The following ADTRP variants were observed in gnomAD, a reference collection of about 807,000 sequenced individuals.
ADTRP encodes the protein androgen dependent TFPI regulating protein.
In ADTRP, 20 loss-of-function variants were observed where a neutral mutation model predicts 27.0. That is an observed-to-expected ratio of 0.74 (90% confidence interval 0.52 to 1.08). The LOEUF (loss-of-function observed/expected upper bound fraction) is 1.08, where lower values mean the gene tolerates loss of function less well. Among genes scored for constraint, ADTRP ranks in the 50% least tolerant of loss-of-function variants. The pLI is 0.00. For missense variants in ADTRP, 251 were observed against 275.0 expected (o/e 0.91, Z 0.62); for synonymous variants, 101 against 105.2 (o/e 0.96, Z 0.25).
In ADTRP at chr6:11,766,353, A is replaced by T; in HGVS notation, c.311T>A (p.Ile104Asn). 1 of 1,612,518 alleles carries T rather than the reference A, an allele frequency of 6.2e-7. No individual in the cohort carries two copies. The highest frequency in any genetic ancestry group is 8.5e-7 in the Non-Finnish European group (1 of 1,179,120). Residue 104 changes from isoleucine to asparagine, a missense_variant, in exon 3 of 6, where the codon ATC becomes AAC. Coordinates refer to ENST00000414691, the MANE Select transcript of ADTRP (RefSeq NM_032744.4). ...VSTFVFLAFW[I>N]LFLYNRDLIY... is the part of the protein sequence containing the mutation. Reference sequence around the variant, plus strand: ...GAGATCTCGATTGTAGAGAAAGAGGATCCAGAATGCCAAAAATACAAACTG... The same window carrying T: ...GAGATCTCGATTGTAGAGAAAGAGGTTCCAGAATGCCAAAAATACAAACTG...
Position 11,714,473 on chromosome 6 carries a change from T to A in ADTRP, c.*5A>T. ...CTTTCTTGGTTCTTGGAAAATGGTG[T>A]GCAATTACTTCCTCTTCTTCCGTGG... On this transcript the variant is annotated 3_prime_UTR_variant, in exon 6 of 6. Transcript: ENST00000414691. The A allele has an allele frequency of 6.2e-7, 1 of 1,612,874 alleles. No homozygotes were observed. Among genetic ancestry groups the A allele is most frequent in the Non-Finnish European group, 8.5e-7 (1 of 1,179,704 alleles).
intron 3 of ADTRP, among the ~76,000 whole-genome samples, 153 bp from the exon 4 acceptor site, chr6:11,735,836 G>A (rs1271623730): frequency 6.6e-6 from 1 of 151,972 alleles, no homozygotes; most frequent in Non-Finnish European, 1.5e-5. Flanking sequence ...ACCTACCGTG[G>A]CTCCCTCTTA....
intron 3 of ADTRP, among the ~76,000 whole-genome samples, chr6:11,744,413 C>T (rs1335333963): frequency 6.6e-6 from 1 of 152,214 alleles, no homozygotes; most frequent in Non-Finnish European, 1.5e-5. Flanking sequence ...AAGTATGACT[C>T]TTGGAAACAA....
intron 3 of ADTRP, among the ~76,000 whole-genome samples, chr6:11,764,036 G>A (rs1763475315): frequency 6.6e-6 from 1 of 152,150 alleles, no homozygotes; most frequent in African/African-American, 2.4e-5. Context: ...TGTCACCATT[G>A]TTCCACTTCC....
chr6:11,747,379 C>A (rs1473645038), intron 3 of ADTRP, among the ~76,000 whole-genome samples: 1 of 152,148 alleles, frequency 6.6e-6, no homozygotes, highest in Admixed American at 6.5e-5. Flanking sequence ...TCAGAAGACA[C>A]AAAAAGCACA....
chr6:11,757,453 C>T (rs995483586), intron 3 of ADTRP, among the ~76,000 whole-genome samples: 1 of 152,178 alleles, frequency 6.6e-6, no homozygotes, highest in African/African-American at 2.4e-5. Context: ...TATCTTTTCC[C>T]CTCTTTGATA....
chr6:11,746,964 G>A lies in ADTRP; in HGVS notation c.391-11281C>T, dbSNP rs766510859. Among the ~76,000 whole-genome samples the A allele has an allele frequency of 1.6e-4, 24 of 152,298 alleles. No homozygotes were observed. The South Asian group carries it at 2.9e-3, about 18-fold the overall frequency. On this transcript the variant is annotated intron_variant, in intron 3 of 5. Transcript: ENST00000414691. The stretch of plus-strand genomic sequence containing the variant: ...GAGATGCTCCCCAGAGGCCACTGCC[G>A]TCAGTTCCACAACCCCGAGGTTGGC...
chr6:11,767,200 T>C (rs1370496576), intron 2 of ADTRP, among the ~76,000 whole-genome samples: 1 of 152,134 alleles, frequency 6.6e-6, no homozygotes, highest in Admixed American at 6.5e-5. Flanking sequence ...GGCAAAACCA[T>C]GTCTCTACCA....
intron 3 of ADTRP, among the ~76,000 whole-genome samples, chr6:11,743,237 T>A (rs561029874): frequency 6.6e-6 from 1 of 152,372 alleles, no homozygotes; most frequent in East Asian, 1.9e-4. Flanking sequence ...GATAAACTCT[T>A]TGAGGGCAAA....
intron 3 of ADTRP, among the ~76,000 whole-genome samples, chr6:11,742,961 TA>T (rs1192646416): frequency 6.6e-6 from 1 of 152,228 alleles, no homozygotes; most frequent in Admixed American, 6.5e-5. Flanking sequence ...CACAGTTATC[TA>T]AATACTTGGA....
chr6:11,762,226 C>T (rs1356453286), intron 3 of ADTRP, among the ~76,000 whole-genome samples: 1 of 152,242 alleles, frequency 6.6e-6, no homozygotes, highest in Non-Finnish European at 1.5e-5. Flanking sequence ...TCATGAGTTA[C>T]AGTCAGGCCA....
chr6:11,770,105 A>G (rs1455197312), intron 1 of ADTRP: 1 of 1,550,600 alleles, frequency 6.4e-7, no homozygotes, highest in Non-Finnish European at 8.7e-7. Flanking sequence ...AAAAAATAAA[A>G]AAAATTATCA....
intron 3 of ADTRP, chr6:11,735,929 G>A: frequency 2.7e-6 from 1 of 372,248 alleles, no homozygotes; most frequent in Non-Finnish European, 4.9e-6. Flanking sequence ...CCTGCTTATT[G>A]CCCACTGCTC....
Position 11,714,405 on chromosome 6 carries a change from AG to A in ADTRP, c.*72del. On this transcript the variant is annotated 3_prime_UTR_variant, in exon 6 of 6. Coordinates refer to ENST00000414691, the MANE Select transcript of ADTRP (RefSeq NM_032744.4). ...TGTTCCTCCACCACCTCCCTCCACCAGAAAAAAAAAAAAAAGATGAGAAAAA... is the reference window on the plus strand; with the variant it reads ...TGTTCCTCCACCACCTCCCTCCACCAAAAAAAAAAAAAAAGATGAGAAAAA... 2 of 1,167,684 alleles carry A rather than the reference AG, an allele frequency of 1.7e-6. No homozygotes were observed. The highest frequency in any genetic ancestry group is 1.2e-6 in the Non-Finnish European group (1 of 844,174). 72.3% of individuals were successfully genotyped at this position (1,167,684 alleles called of 1,614,324 possible).
intron 3 of ADTRP, among the ~76,000 whole-genome samples, chr6:11,744,973 G>A (rs1216070957): frequency 6.6e-6 from 1 of 152,128 alleles, no homozygotes; most frequent in African/African-American, 2.4e-5. Context: ...CAAACTCAGG[G>A]GCACAGTTCC....
intron 4 of ADTRP, among the ~76,000 whole-genome samples, chr6:11,733,962 A>C (rs1344541655): frequency 6.6e-6 from 1 of 152,256 alleles, no homozygotes; most frequent in African/African-American, 2.4e-5. Context: ...TGTGAACTGA[A>C]AATCAACTTA....
chr6:11,739,902 C>A (rs550269717), intron 3 of ADTRP, among the ~76,000 whole-genome samples: 2 of 152,178 alleles, frequency 1.3e-5, no homozygotes, highest in South Asian at 2.1e-4. Context: ...AAGTTTCCTG[C>A]GGGGACAAGA....
chr6:11,729,488 C>A (rs1344613261), intron 4 of ADTRP, among the ~76,000 whole-genome samples: 3 of 152,134 alleles, frequency 2.0e-5, no homozygotes, highest in African/African-American at 7.2e-5. Flanking sequence ...CTGCTCCTTC[C>A]CCCTCCTGTC....
intron 5 of ADTRP, among the ~76,000 whole-genome samples, chr6:11,719,656 A>T (rs899820944): frequency 6.6e-6 from 1 of 152,184 alleles, no homozygotes. Context: ...AAATTGGGCC[A>T]CTGGAAGCAG....
Sources: gnomAD v4.1 joint callset for allele counts (sites outside exome capture counted in the v4.1 genomes callset) on GRCh38, gnomAD v4.1.1 for gene constraint, MANE v1.5 for transcripts, NCBI Gene and HGNC (gene_info 2026-07-23, HGNC 2026-07-21) for gene names.